The following PTCHD4 variants were observed in gnomAD, a reference collection of about 807,000 sequenced individuals.
The protein encoded by PTCHD4 is patched domain-containing protein 4.
Under a neutral mutation model 58.1 loss-of-function variants are expected in PTCHD4, and 33 were observed. The observed-to-expected ratio is 0.57, with a 90% CI of 0.43 to 0.76. The LOEUF (loss-of-function observed/expected upper bound fraction) is 0.76, where lower values mean the gene tolerates loss of function less well. PTCHD4 is among the 30% of genes least tolerant of loss of function. The pLI is 0.00. For missense variants in PTCHD4, 1,058 were observed against 1,027.1 expected (o/e 1.03, Z -0.41); for synonymous variants, 478 against 409.6 (o/e 1.17, Z -2.02).
rs1383529122 is a variant in PTCHD4, at chr6:47,865,242, T to C, written c.*13061A>G. 6.6e-6 allele frequency among the ~76,000 whole-genome samples: 1 copy of C among 151,962 alleles called. No homozygotes were observed. The highest frequency in any genetic ancestry group is 1.5e-5 in the Non-Finnish European group (1 of 67,926). ...AGATTAGACTGCCTATTTATGTTCC[T>C]AAGATATTCGTTTCTTCCTCTTTGA... On this transcript the variant is annotated 3_prime_UTR_variant, in exon 5 of 5. Coordinates refer to ENST00000339488, the MANE Select transcript of PTCHD4 (RefSeq NM_001384253.1).
At chr6:47,929,189 C>T (rs1191656062) in intron 4 of PTCHD4, among the ~76,000 whole-genome samples, 1 of 151,920 alleles carries the variant, frequency 6.6e-6, no homozygotes, top group South Asian at 2.1e-4. Flanking sequence ...AAAAAATTGG[C>T]TAAGCAAGTA....
At chr6:47,893,885 C>G (rs942129412) in intron 4 of PTCHD4, among the ~76,000 whole-genome samples, 1 of 152,188 alleles carries the variant, frequency 6.6e-6, no homozygotes, top group Admixed American at 6.5e-5. Context: ...TGCTGATTAA[C>G]AAAGGGTTTA....
At chr6:48,020,198 C>A (rs190027476) in intron 3 of PTCHD4, among the ~76,000 whole-genome samples, 18 of 152,034 alleles carry the variant, frequency 1.2e-4, no homozygotes, top group Non-Finnish European at 2.2e-4. Context: ...TAGGGCATGG[C>A]ATGATTTTTT....
At chr6:48,077,991 C>T (rs1765092072) in intron 1 of PTCHD4, among the ~76,000 whole-genome samples, 1 of 152,024 alleles carries the variant, frequency 6.6e-6, no homozygotes, top group African/African-American at 2.4e-5. Flanking sequence ...AAAAGTGACA[C>T]CAATAAACTC....
chr6:47,981,407 C>T (rs1468017247), intron 4 of PTCHD4, among the ~76,000 whole-genome samples: 2 of 151,350 alleles, frequency 1.3e-5, no homozygotes, highest in Admixed American at 6.6e-5. Context: ...GCTTGTTTTT[C>T]CTCTCTTTTT....
At chr6:47,959,126 TTAAAC>T (rs1766982574) in intron 4 of PTCHD4, among the ~76,000 whole-genome samples, 2 of 152,162 alleles carry the variant, frequency 1.3e-5, no homozygotes, top group South Asian at 4.1e-4. Context: ...ATCAATCAGT[TTAAAC>T]TAAACCAGAA....
Position 48,074,029 on chromosome 6 carries a change from G to T in PTCHD4, c.-969-4103C>A, listed in dbSNP as rs548113634. Among the ~76,000 whole-genome samples the T allele has an allele frequency of 1.1e-4, 16 of 152,126 alleles. No individual in the cohort carries two copies. In the South Asian group the frequency reaches 2.5e-3, roughly 24 times the overall value. On this transcript the variant is annotated intron_variant, in intron 1 of 4. Transcript: ENST00000339488. ...TTTACATCAGACTTTTTCTGCCACT[G>T]CCATCTCAAGGAATGCTGGCTTGTG...
At chr6:47,950,589 T>TA (rs1216264170) in intron 4 of PTCHD4, among the ~76,000 whole-genome samples, 1 of 152,128 alleles carries the variant, frequency 6.6e-6, no homozygotes, top group Non-Finnish European at 1.5e-5. Context: ...AATGAGGTTT[T>TA]AAAAAAAAGA....
Position 47,874,347 on chromosome 6 carries a change from A to T in PTCHD4, c.*3956T>A, listed in dbSNP as rs1763792543. 6.6e-6 allele frequency among the ~76,000 whole-genome samples: 1 copy of T among 151,748 alleles called. No homozygotes were observed. Among genetic ancestry groups the T allele is most frequent in the African/African-American group, 2.4e-5 (1 of 41,392 alleles). The stretch of plus-strand genomic sequence containing the variant: ...AGGTGATGTAAGAAATTTTAATAAA[A>T]GTTGCAATAACCCTGAAAATAGTGT... On this transcript the variant is annotated 3_prime_UTR_variant, in exon 5 of 5. Coordinates refer to ENST00000339488, the MANE Select transcript of PTCHD4 (RefSeq NM_001384253.1).
intron 3 of PTCHD4, among the ~76,000 whole-genome samples, chr6:48,064,510 A>G (rs1764732459): frequency 6.6e-6 from 1 of 152,118 alleles, no homozygotes; most frequent in African/African-American, 2.4e-5. Flanking sequence ...CAGTCTGCCC[A>G]TTTCTATTAC....
At chr6:47,899,049 A>G (rs554334325) in intron 4 of PTCHD4, among the ~76,000 whole-genome samples, 11 of 152,336 alleles carry the variant, frequency 7.2e-5, no homozygotes, top group African/African-American at 2.6e-4. Context: ...TAAGTGGAAA[A>G]GTATTTGCTC....
chr6:48,008,257 T>G (rs1036521171), intron 4 of PTCHD4, among the ~76,000 whole-genome samples: 1 of 152,208 alleles, frequency 6.6e-6, no homozygotes, highest in African/African-American at 2.4e-5. Flanking sequence ...ATATTCACTC[T>G]TCACTCCCAT....
intron 4 of PTCHD4, chr6:47,901,477 C>A: frequency 1.0e-6 from 1 of 980,748 alleles, no homozygotes; most frequent in Non-Finnish European, 1.2e-6. Flanking sequence ...AATTACAGCA[C>A]ATCTAAACTT....
At chr6:48,085,643 G>A (rs949119566) in intron 1 of PTCHD4, among the ~76,000 whole-genome samples, 3 of 152,190 alleles carry the variant, frequency 2.0e-5, no homozygotes, top group African/African-American at 7.2e-5. Flanking sequence ...TTCTTTAGTT[G>A]CTGCAATCAC....
At chr6:47,910,355 C>T (rs10948391) in intron 4 of PTCHD4, among the ~76,000 whole-genome samples, 88,805 of 151,892 alleles carry the variant, frequency 0.58, 26,831 homozygotes, top group East Asian at 0.78. Flanking sequence ...CTGTTAGCCC[C>T]CTATAACTTG....
chr6:47,924,831 G>A (rs141303398), intron 4 of PTCHD4, among the ~76,000 whole-genome samples: 36 of 152,080 alleles, frequency 2.4e-4, no homozygotes, highest in African/African-American at 8.4e-4. Context: ...CTGATCAAAT[G>A]TTACTTCCTC....
intron 4 of PTCHD4, among the ~76,000 whole-genome samples, chr6:47,994,438 C>A (rs1561995776): frequency 1.3e-5 from 2 of 152,254 alleles, no homozygotes; most frequent in East Asian, 1.9e-4. Context: ...AAGTCTTGAC[C>A]TTTTAATGAA....
chr6:47,968,226 A>C (rs2113982526), intron 4 of PTCHD4, among the ~76,000 whole-genome samples: 1 of 152,206 alleles, frequency 6.6e-6, no homozygotes, highest in Admixed American at 6.5e-5. Context: ...GGGGGAGATG[A>C]GGGAAAGGCT....
chr6:47,963,582 G>A (rs1375699989), intron 4 of PTCHD4, among the ~76,000 whole-genome samples: 1 of 152,168 alleles, frequency 6.6e-6, no homozygotes. Flanking sequence ...TGAAAGCAAA[G>A]TAAATGTCTG....
Sources: gnomAD v4.1 joint callset for allele counts (sites outside exome capture counted in the v4.1 genomes callset) on GRCh38, gnomAD v4.1.1 for gene constraint, MANE v1.5 for transcripts, NCBI Gene and HGNC (gene_info 2026-07-23, HGNC 2026-07-21) for gene names.